CBX2: variants seen among roughly 807,000 people sequenced by gnomAD.
CBX2 encodes chromobox 2.
Under a neutral mutation model 21.0 loss-of-function variants are expected in CBX2, and 11 were observed. The ratio of observed to expected loss-of-function variants is 0.52; its 90% CI spans 0.33 to 0.87. The LOEUF is 0.87. Among genes scored for constraint, CBX2 ranks in the 40% least tolerant of loss-of-function variants. The pLI, the probability that CBX2 is intolerant of heterozygous loss-of-function variation, is 0.02. For missense variants in CBX2, 746 were observed against 724.3 expected (o/e 1.03, Z -0.34); for synonymous variants, 364 against 304.6 (o/e 1.19, Z -2.03).
At position 79,785,237 on chromosome 17, in the gene CBX2, T is replaced by A; in HGVS notation, c.*195T>A. On this transcript the variant is annotated 3_prime_UTR_variant, in exon 5 of 5. Coordinates refer to ENST00000310942, the MANE Select transcript of CBX2 (RefSeq NM_005189.3). ...GTCCCAGGACATAGGGCAGGGGGCC[T>A]CACTGCCTTGTTGGTCTCCACCTTG... is the stretch of plus-strand genomic sequence containing the variant. 4.9e-6 allele frequency: 3 copies of A among 613,686 alleles called. No homozygotes were observed. The highest frequency in any genetic ancestry group is 5.4e-5 in the Admixed American group (2 of 36,848). 38.0% of individuals were successfully genotyped at this position (613,686 alleles called of 1,614,324 possible).
At position 79,779,421 on chromosome 17, in the gene CBX2, A is replaced by T; in HGVS notation, c.176A>T (p.Gln59Leu). Residue 59 changes from glutamine to leucine, a missense_variant, in exon 3 of 5, where the codon CAG becomes CTG. Gln to Leu is a moderately radical substitution (Grantham distance 113). This residue lies in a region of CBX2 where 701 missense variants were observed against 650.7 expected (regional missense o/e 1.08). Transcript: ENST00000310942. ...ILDPRLLLAF[Q>L]KKEHEKEVQN... The stretch of plus-strand genomic sequence containing the variant: ...GACCCGAGGCTGCTCCTGGCCTTCC[A>T]GAAGAAGTGAGGACGCTGACAGCAC... 1.2e-6 allele frequency: 2 copies of T among 1,612,384 alleles called. No homozygotes were observed. The highest frequency in any genetic ancestry group is 1.7e-6 in the Non-Finnish European group (2 of 1,179,610).
intron 4 of CBX2, chr17:79,782,018 G>T (rs782599265): frequency 6.2e-7 from 1 of 1,613,938 alleles, no homozygotes; most frequent in East Asian, 2.2e-5. Flanking sequence ...GCCCCTCCCA[G>T]GGGCTTCCTG....
At chr17:79,777,929 G>A (rs1354620597), upstream of CBX2, among the ~76,000 whole-genome samples, 1 of 126,450 alleles carries the variant, frequency 7.9e-6, no homozygotes, top group African/African-American at 2.9e-5. Context: ...CCCCACCCCC[G>A]CCCCCGCCCC....
intron 4 of CBX2, chr17:79,782,177 G>A: frequency 6.2e-7 from 1 of 1,612,364 alleles, no homozygotes; most frequent in Non-Finnish European, 8.5e-7. Context: ...GGCTGGATGT[G>A]ACTCAAAAGC....
At position 79,787,809 on chromosome 17, in the gene CBX2, T is replaced by C. The variant is rs1907738306; in HGVS notation, c.*2767T>C. On this transcript the variant is annotated 3_prime_UTR_variant, in exon 5 of 5. Transcript: ENST00000310942. Reference sequence around the variant, plus strand: ...GTATATATTTTGTACCAAAAAAGAGTGTTCCTTGTTTTGGTTACACTCGAA... The same window carrying C: ...GTATATATTTTGTACCAAAAAAGAGCGTTCCTTGTTTTGGTTACACTCGAA... 6.6e-6 allele frequency: 1 copy of C among 152,144 alleles called. No homozygotes were observed. Among genetic ancestry groups the C allele is most frequent in the South Asian group, 2.1e-4 (1 of 4,832 alleles). 9.4% of individuals were successfully genotyped at this position (152,144 alleles called of 1,614,324 possible). A position where few individuals can be genotyped will look rare whatever the true frequency, so the allele number is the denominator to read the frequency against.
Position 79,779,400 on chromosome 17 carries a change from C to G in CBX2, c.155C>G (p.Pro52Arg). 1.2e-6 allele frequency: 2 copies of G among 1,613,816 alleles called. No homozygotes were observed. The highest frequency in any genetic ancestry group is 1.7e-6 in the Non-Finnish European group (2 of 1,179,972). Residue 52 changes from proline to arginine, a missense_variant, in exon 3 of 5, where the codon CCG becomes CGG. Physicochemically the swap from Pro to Arg is moderately radical, Grantham distance 103. Coordinates refer to ENST00000310942, the MANE Select transcript of CBX2 (RefSeq NM_005189.3). ...GAGCCGGAGGAGAACATCCTGGACC[C>G]GAGGCTGCTCCTGGCCTTCCAGAAG... is the stretch of plus-strand genomic sequence containing the variant. ...SWEPEENILD[P>R]RLLLAFQKKE...
intron 4 of CBX2, among the ~76,000 whole-genome samples, chr17:79,783,197 T>C (rs988974056): frequency 2.6e-5 from 4 of 152,160 alleles, no homozygotes; most frequent in African/African-American, 9.7e-5. Context: ...TCTGTCTTCA[T>C]TTTTACGAGC....
rs1201183361 is a variant in CBX2 at position 79,787,152 on chromosome 17, C to T, written c.*2110C>T. Reference sequence around the variant, plus strand: ...GGCACGCTGAGCCTCAGGCACCAGCCTCCCTGTGCTCGACAGCAAAGTCTT... The same window carrying T: ...GGCACGCTGAGCCTCAGGCACCAGCTTCCCTGTGCTCGACAGCAAAGTCTT... On this transcript the variant is annotated 3_prime_UTR_variant, in exon 5 of 5. Transcript: ENST00000310942. 1 of 152,362 alleles carries T rather than the reference C, an allele frequency of 6.6e-6. No individual in the cohort carries two copies. Among genetic ancestry groups the T allele is most frequent in the Non-Finnish European group, 1.5e-5 (1 of 68,096 alleles). The allele number at this position is 152,362 out of a possible 1,614,324, so 9.4% of individuals were successfully genotyped here.
At position 79,786,226 on chromosome 17, in the gene CBX2, T is replaced by A. The variant is rs1555831826; in HGVS notation, c.*1184T>A. 6.5e-6 allele frequency: 1 copy of A among 152,746 alleles called. No homozygotes were observed. The highest frequency in any genetic ancestry group is 1.5e-5 in the Non-Finnish European group (1 of 68,116). The allele number at this position is 152,746 out of a possible 1,614,324, so 9.5% of individuals were successfully genotyped here. A position where few individuals can be genotyped will look rare whatever the true frequency, so the allele number is the denominator to read the frequency against. Reference sequence around the variant, plus strand: ...CTGCCTGTGCTGCAAGTGTTGGCCGTGGGTCCAGCCAACAACTCCCTACGT... The same window carrying A: ...CTGCCTGTGCTGCAAGTGTTGGCCGAGGGTCCAGCCAACAACTCCCTACGT... On this transcript the variant is annotated 3_prime_UTR_variant, in exon 5 of 5. Coordinates refer to ENST00000310942, the MANE Select transcript of CBX2 (RefSeq NM_005189.3).
intron 4 of CBX2, among the ~76,000 whole-genome samples, chr17:79,782,955 TC>T (rs1336430789): frequency 9.2e-5 from 14 of 152,180 alleles, no homozygotes; most frequent in African/African-American, 3.4e-4. Context: ...TTTACCTGTA[TC>T]CTGGAAGGCT....
At chr17:79,782,147 T>C in intron 4 of CBX2, 1 of 1,612,722 alleles carries the variant, frequency 6.2e-7, no homozygotes, top group Admixed American at 1.7e-5. Flanking sequence ...ATGCGTACAG[T>C]AGGTGCTCAT....
rs1598219558 is a variant in CBX2, at chr17:79,778,605, T to C, written c.116+178T>C. Among the ~76,000 whole-genome samples, 1 of 150,740 alleles carries C rather than the reference T, an allele frequency of 6.6e-6. No individual in the cohort carries two copies. The highest frequency in any genetic ancestry group is 2.4e-5 in the African/African-American group (1 of 40,960). ...GGGGCGGGGGCCGCCCGGCCCGAGG[T>C]TGCCCTTTGTTTACACGCCCGCGGG... is the stretch of plus-strand genomic sequence containing the variant. On this transcript the variant is annotated intron_variant, in intron 2 of 4. Transcript: ENST00000310942. This position sits in a 1 kb window ranked among gnomAD's most constrained non-coding sequence, Gnocchi z 4.8.
rs143520643 is a variant in CBX2, at chr17:79,780,182, G to A, written c.182+755G>A. On this transcript the variant is annotated intron_variant, in intron 3 of 4. Transcript: ENST00000310942. ...CAAGATGGGGGGTGGTTTCACTGACGGCTCCCCCTGGATCCCCTGGCTGGA... is the reference window on the plus strand; with the variant it reads ...CAAGATGGGGGGTGGTTTCACTGACAGCTCCCCCTGGATCCCCTGGCTGGA... Among the ~76,000 whole-genome samples, 17 of 152,332 alleles carry A rather than the reference G, an allele frequency of 1.1e-4. No individual in the cohort carries two copies. The East Asian group carries it at 2.1e-3, about 19-fold the overall frequency.
rs1384630624 is a variant in CBX2, at chr17:79,778,660, A to G, written c.116+233A>G. Among the ~76,000 whole-genome samples, 11 of 150,880 alleles carry G rather than the reference A, an allele frequency of 7.3e-5. No individual in the cohort carries two copies. The highest frequency in any genetic ancestry group is 1.6e-4 in the Non-Finnish European group (11 of 67,678). ...GAGCTGGGCGGCCCCCCGCGCCAGAACCTCCTCGGCTGCCGCGCCGCGCTC... is the reference window on the plus strand; with the variant it reads ...GAGCTGGGCGGCCCCCCGCGCCAGAGCCTCCTCGGCTGCCGCGCCGCGCTC... On this transcript the variant is annotated intron_variant, in intron 2 of 4. Coordinates refer to ENST00000310942, the MANE Select transcript of CBX2 (RefSeq NM_005189.3). The surrounding 1 kb of genome is among the most constrained non-coding windows in gnomAD (Gnocchi z 4.8).
rs1555831362 is a variant in CBX2 at position 79,784,784 on chromosome 17, A to G, written c.1341A>G (p.Gly447=). 6.2e-7 allele frequency: 1 copy of G among 1,610,588 alleles called. No homozygotes were observed. Among genetic ancestry groups the G allele is most frequent in the Non-Finnish European group, 8.5e-7 (1 of 1,178,826 alleles). Residue 447 remains glycine, a synonymous_variant, in exon 5 of 5, where the codon GGA becomes GGG. Transcript: ENST00000310942. The surrounding 1 kb of genome is among the most constrained non-coding windows in gnomAD (Gnocchi z 5.9). ...PSGQESRTAP[G]EARKAATLPE... Reference sequence around the variant, plus strand: ...GGCAGGAGAGCCGCACAGCCCCCGGAGAAGCCCGCAAGGCGGCCACACTGC... The same window carrying G: ...GGCAGGAGAGCCGCACAGCCCCCGGGGAAGCCCGCAAGGCGGCCACACTGC...
At chr17:79,781,194 G>C (rs1907169572) in intron 3 of CBX2, among the ~76,000 whole-genome samples, 1 of 152,260 alleles carries the variant, frequency 6.6e-6, no homozygotes, top group South Asian at 2.1e-4. Flanking sequence ...AGAGTCATGT[G>C]CCAGCAGCCA....
chr17:79,779,276 CG>C, intron 2 of CBX2, 85 bp from the exon 3 acceptor site: 1 of 1,281,702 alleles, frequency 7.8e-7, no homozygotes, highest in Non-Finnish European at 1.1e-6. Context: ...AGTCGAGGAG[CG>C]GTGAGGGCGA....
Position 79,787,324 on chromosome 17 carries a change from C to T in CBX2, c.*2282C>T, listed in dbSNP as rs1157143124. ...GTCTGCCTGGGCAGGCCAGATTCCTCCCCAGCAGCCGGGTCTCTCCAGACC... is the reference window on the plus strand; with the variant it reads ...GTCTGCCTGGGCAGGCCAGATTCCTTCCCAGCAGCCGGGTCTCTCCAGACC... On this transcript the variant is annotated 3_prime_UTR_variant, in exon 5 of 5. Coordinates refer to ENST00000310942, the MANE Select transcript of CBX2 (RefSeq NM_005189.3). 1 of 152,670 alleles carries T rather than the reference C, an allele frequency of 6.6e-6. No individual in the cohort carries two copies. Among genetic ancestry groups the T allele is most frequent in the East Asian group, 1.9e-4 (1 of 5,204 alleles). 9.5% of individuals were successfully genotyped at this position (152,670 alleles called of 1,614,324 possible).
Position 79,778,931 on chromosome 17 carries a change from C to A in CBX2, c.117-431C>A, listed in dbSNP as rs1301845832. 1.3e-5 allele frequency among the ~76,000 whole-genome samples: 2 copies of A among 152,168 alleles called. No individual in the cohort carries two copies. The highest frequency in any genetic ancestry group is 6.5e-5 in the Admixed American group (1 of 15,284). On this transcript the variant is annotated intron_variant, in intron 2 of 4. Coordinates refer to ENST00000310942, the MANE Select transcript of CBX2 (RefSeq NM_005189.3). The surrounding 1 kb of genome is among the most constrained non-coding windows in gnomAD (Gnocchi z 4.8). ...TCTTTCTTCGCTACCCCTCGAGGTG[C>A]CCCGGCCCGCGCGCCACATTGTTCT... is the stretch of plus-strand genomic sequence containing the variant.
Sources: gnomAD v4.1 joint callset for allele counts (sites outside exome capture counted in the v4.1 genomes callset) on GRCh38, gnomAD v4.1.1 for gene constraint, gnomAD v4.1.1 regional missense constraint, Gnocchi (gnomAD v3.1) non-coding constraint, MANE v1.5 for transcripts, NCBI Gene and HGNC (gene_info 2026-07-23, HGNC 2026-07-21) for gene names.